ADGRL3: variants seen among roughly 807,000 people sequenced by gnomAD.
ADGRL3 encodes the protein calcium-independent alpha-latrotoxin receptor 3.
A neutral mutation model predicts 153.5 loss-of-function variants in ADGRL3; 62 were observed. That is an observed-to-expected ratio of 0.40 (90% CI 0.33 to 0.50). The LOEUF (loss-of-function observed/expected upper bound fraction) is 0.50. ADGRL3 is among the 20% of genes least tolerant of loss of function. The pLI, the probability that ADGRL3 is intolerant of heterozygous loss-of-function variation, is 0.47. For missense variants in ADGRL3, 1,641 were observed against 1,859.4 expected (o/e 0.88, Z 2.16); for synonymous variants, 710 against 672.5 (o/e 1.06, Z -0.86).
chr4:61,259,061 C>A (rs550153192), intron 1 of ADGRL3, among the ~76,000 whole-genome samples: 4 of 152,122 alleles, frequency 2.6e-5, no homozygotes, highest in Non-Finnish European at 5.9e-5. Flanking sequence ...TACCTCAAAA[C>A]GAATTCATGA....
At chr4:61,348,020 TG>T (rs1392922556) in intron 1 of ADGRL3, among the ~76,000 whole-genome samples, 1 of 152,094 alleles carries the variant, frequency 6.6e-6, no homozygotes, top group Non-Finnish European at 1.5e-5. Context: ...CAAGGTGACT[TG>T]TTAATGTTTC....
chr4:61,230,847 A>G (rs1750312511), intron 1 of ADGRL3, among the ~76,000 whole-genome samples: 1 of 152,216 alleles, frequency 6.6e-6, no homozygotes, highest in Non-Finnish European at 1.5e-5. Flanking sequence ...TCAAACTTGC[A>G]TTTCATTCTC....
intron 2 of ADGRL3, among the ~76,000 whole-genome samples, chr4:61,430,208 A>G (rs368157348): frequency 5.9e-5 from 9 of 152,272 alleles, no homozygotes; most frequent in Admixed American, 2.6e-4. Flanking sequence ...ATATGGCTAC[A>G]TATTTCTAAA....
intron 19 of ADGRL3, among the ~76,000 whole-genome samples, chr4:61,992,535 G>C (rs2099107115): frequency 6.6e-6 from 1 of 152,158 alleles, no homozygotes; most frequent in African/African-American, 2.4e-5. Context: ...AACAGCAGGT[G>C]TGGCCATATG....
At chr4:61,798,898 G>A (rs909815508) in intron 8 of ADGRL3, among the ~76,000 whole-genome samples, 1 of 150,530 alleles carries the variant, frequency 6.6e-6, no homozygotes, top group Non-Finnish European at 1.5e-5. Flanking sequence ...TCATAGGCAT[G>A]AGCCTTGGCA....
At chr4:61,456,505 A>G (rs1373161612) in intron 2 of ADGRL3, among the ~76,000 whole-genome samples, 1 of 131,542 alleles carries the variant, frequency 7.6e-6, no homozygotes, top group African/African-American at 2.7e-5. Context: ...CTATATCTAT[A>G]TATATATAAC....
chr4:61,375,061 T>A (rs2096587620), intron 1 of ADGRL3, among the ~76,000 whole-genome samples: 1 of 152,000 alleles, frequency 6.6e-6, no homozygotes. Flanking sequence ...CACCTGACAA[T>A]TTGGCCTTCT....
chr4:61,966,490 T>G (rs1458172137), intron 17 of ADGRL3, among the ~76,000 whole-genome samples: 1 of 152,140 alleles, frequency 6.6e-6, no homozygotes, highest in African/African-American at 2.4e-5. Flanking sequence ...TATCTGGTAT[T>G]TCTATGATTA....
At chr4:61,333,062 C>A (rs1451420505) in intron 1 of ADGRL3, among the ~76,000 whole-genome samples, 1 of 151,948 alleles carries the variant, frequency 6.6e-6, no homozygotes, top group Non-Finnish European at 1.5e-5. Context: ...AAAGCTGTCT[C>A]CTTACCATTT....
intron 1 of ADGRL3, among the ~76,000 whole-genome samples, chr4:61,244,052 C>T (rs2342453): frequency 0.47 from 71,769 of 151,768 alleles, 17,169 homozygotes; most frequent in East Asian, 0.62. Flanking sequence ...ATGTTGCTAT[C>T]GGGTCTACCT....
chr4:61,485,398 A>G (rs562237433), intron 2 of ADGRL3, among the ~76,000 whole-genome samples: 6 of 152,228 alleles, frequency 3.9e-5, no homozygotes, highest in African/African-American at 1.4e-4. Flanking sequence ...TCTGCTATAG[A>G]TGTATTTATT....
chr4:61,376,149 G>A lies in ADGRL3; in HGVS notation c.-239-6975G>A, dbSNP rs74991102. On this transcript the variant is annotated intron_variant, in intron 1 of 26. Transcript: ENST00000683033. ...TTTGTCATAGAATATGTAAATGTGT[G>A]TACTGTTTAACAATTATTATTTCAT... 3.4e-4 allele frequency among the ~76,000 whole-genome samples: 51 copies of A among 152,178 alleles called. 1 individual carries two copies. The East Asian group carries it at 8.9e-3, about 27-fold the overall frequency.
At chr4:61,528,270 C>G (rs552899449) in intron 4 of ADGRL3, among the ~76,000 whole-genome samples, 2 of 152,066 alleles carry the variant, frequency 1.3e-5, no homozygotes, top group African/African-American at 4.8e-5. Context: ...CTATTCTTCT[C>G]TCTTTTCTCT....
At chr4:61,924,088 A>C (rs182227229) in intron 13 of ADGRL3, among the ~76,000 whole-genome samples, 1 of 152,190 alleles carries the variant, frequency 6.6e-6, no homozygotes, top group African/African-American at 2.4e-5. Context: ...ACACCACCGA[A>C]ACTGCCCTTT....
rs539171226 is a variant in ADGRL3 at position 61,743,244 on chromosome 4, C to T, written c.1399+9690C>T. ...CTGTGGCAGGAGAATGGTGTGAACC[C>T]AGGAGGCGGAGCTTGCAGTGAGCAG... is the stretch of plus-strand genomic sequence containing the variant. On this transcript the variant is annotated intron_variant, in intron 8 of 26. Transcript: ENST00000683033. Among the ~76,000 whole-genome samples the T allele has an allele frequency of 3.4e-5, 5 of 146,758 alleles. No homozygotes were observed. The East Asian group carries it at 6.1e-4, about 18-fold the overall frequency.
intron 21 of ADGRL3, among the ~76,000 whole-genome samples, chr4:62,010,178 G>A (rs913772669): frequency 2.6e-5 from 4 of 152,010 alleles, no homozygotes; most frequent in Admixed American, 1.3e-4. Flanking sequence ...TCCAGCCCCC[G>A]TTTTTTCCCC....
chr4:61,392,070 C>T (rs2096813368), intron 2 of ADGRL3, among the ~76,000 whole-genome samples: 1 of 149,762 alleles, frequency 6.7e-6, no homozygotes. Flanking sequence ...GGGGTTTTGC[C>T]GTGTTAGCCA....
intron 21 of ADGRL3, among the ~76,000 whole-genome samples, chr4:62,012,496 C>A (rs1219624125): frequency 6.6e-6 from 1 of 152,172 alleles, no homozygotes; most frequent in Admixed American, 6.6e-5. Context: ...TCACCTCAAA[C>A]CTCAGAGCTA....
chr4:61,572,985 C>T (rs1195543840), intron 4 of ADGRL3, among the ~76,000 whole-genome samples: 1 of 151,902 alleles, frequency 6.6e-6, no homozygotes, highest in African/African-American at 2.4e-5. Flanking sequence ...ATGCCAAACT[C>T]TTAGGGCACT....
Sources: allele counts gnomAD v4.1 joint callset (sites outside exome capture counted in the v4.1 genomes callset), GRCh38; gene constraint gnomAD v4.1.1; transcripts MANE v1.5; gene names NCBI Gene and HGNC (gene_info 2026-07-23, HGNC 2026-07-21).